ADAMTS13: variants seen among roughly 807,000 people sequenced by gnomAD.
The protein encoded by ADAMTS13 is A disintegrin and metalloproteinase with thrombospondin motifs 13.
ADAMTS13 carries 110 observed loss-of-function variants against 155.1 expected under a neutral mutation model. The ratio of observed to expected loss-of-function variants is 0.71; its 90% CI spans 0.61 to 0.83. The LOEUF (loss-of-function observed/expected upper bound fraction) is 0.83. ADAMTS13 is among the 40% of genes least tolerant of loss of function. ADAMTS13 has a pLI of 0.00. For synonymous variants in ADAMTS13, 758 were observed against 756.4 expected, an observed-to-expected ratio of 1.00 and a Z score of -0.03; for missense variants, 1,707 against 1,891.7, an observed-to-expected ratio of 0.90 and a Z score of 1.81.
In ADAMTS13 at chr9:133,441,555, G is replaced by A. The variant is rs1351669750; in HGVS notation, c.1969-844G>A. Among the ~76,000 whole-genome samples, 1 of 152,218 alleles carries A rather than the reference G, an allele frequency of 6.6e-6. No individual in the cohort carries two copies. The highest frequency in any genetic ancestry group is 1.5e-5 in the Non-Finnish European group (1 of 68,030). ...ACTGGCCAGATGTGGGCATCGAGGG[G>A]GCAGGTGCGGAATGTCACCTCGCCC... On this transcript the variant is annotated intron_variant, in intron 16 of 28. Coordinates refer to ENST00000355699, the MANE Select transcript of ADAMTS13 (RefSeq NM_139027.6). The surrounding 1 kb of genome is among the most constrained non-coding windows in gnomAD (Gnocchi z 5.0).
intron 23 of ADAMTS13, 111 bp downstream of exon 23, chr9:133,450,076 C>T: frequency 3.8e-6 from 5 of 1,332,800 alleles, no homozygotes; most frequent in Middle Eastern, 2.6e-4. Flanking sequence ...ATCAGGAGAA[C>T]CACTTGAGTC....
At chr9:133,419,223 T>A (rs150293584), upstream of ADAMTS13, among the ~76,000 whole-genome samples, 487 of 152,264 alleles carry the variant, frequency 3.2e-3, 3 homozygotes, top group African/African-American at 0.011. Context: ...GATTTTGGTC[T>A]GAGCAATTGG....
intron 22 of ADAMTS13, 43 bp from the exon 23 acceptor site, chr9:133,449,740 G>A (rs1554793773): frequency 2.5e-6 from 4 of 1,610,258 alleles, no homozygotes; most frequent in African/African-American, 2.7e-5. Context: ...TGGGTTCCCA[G>A]GCCCTGGGGC....
At position 133,440,687 on chromosome 9, in the gene ADAMTS13, G is replaced by GTAGC. The variant is rs1841607447; in HGVS notation, c.1968+168_1968+171dup. Among the ~76,000 whole-genome samples, 1 of 152,178 alleles carries GTAGC rather than the reference G, an allele frequency of 6.6e-6. No homozygotes were observed. The highest frequency in any genetic ancestry group is 6.5e-5 in the Admixed American group (1 of 15,276). On this transcript the variant is annotated intron_variant, in intron 16 of 28. Coordinates refer to ENST00000355699, the MANE Select transcript of ADAMTS13 (RefSeq NM_139027.6). This position sits in a 1 kb window ranked among gnomAD's most constrained non-coding sequence, Gnocchi z 4.3. The stretch of plus-strand genomic sequence containing the variant: ...TGTTGGGCCCTGTGCTAGGCAAAAT[G>GTAGC]TAGCTAGCTCCTCCAGGGGCTTAGG...
rs10699153 is a variant in ADAMTS13, at chr9:133,458,555, C to CAAAA, written c.3910-401_3910-398dup. Among the ~76,000 whole-genome samples, 11 of 56,224 alleles carry CAAAA rather than the reference C, an allele frequency of 2.0e-4. No homozygotes were observed. In the East Asian group the frequency reaches 2.1e-3, roughly 11 times the overall value. The allele number at this position is 56,224 out of a possible 152,430, so 36.9% of individuals were successfully genotyped here. A position where few individuals can be genotyped will look rare whatever the true frequency, so the allele number is the denominator to read the frequency against. ...TGGGCAACAGAGTGAGACTCTGTCT[C>CAAAA]AAAAAAAAAAAAAAAAAAAAAGCGA... On this transcript the variant is annotated intron_variant, in intron 28 of 28. Transcript: ENST00000355699.
intron 11 of ADAMTS13, among the ~76,000 whole-genome samples, chr9:133,434,271 G>A (rs140723569): frequency 1.0e-3 from 153 of 152,162 alleles, no homozygotes; most frequent in African/African-American, 3.4e-3. Context: ...TAGGAATACA[G>A]TGCGCTGCTG....
chr9:133,417,538 G>T, upstream of ADAMTS13: 1 of 1,433,978 alleles, frequency 7.0e-7, no homozygotes, highest in South Asian at 1.2e-5. Flanking sequence ...CAGGTCTTTT[G>T]GGGCTACCCA....
At chr9:133,454,748 C>T (rs781924197) in intron 24 of ADAMTS13, 129 bp downstream of exon 24, 14 of 1,223,984 alleles carry the variant, frequency 1.1e-5, no homozygotes, top group African/African-American at 3.0e-5. Context: ...GAGCTGCGCC[C>T]GTTGGTGAGG....
chr9:133,433,793 C>A (rs922911931), intron 11 of ADAMTS13, 89 bp downstream of exon 11: 24 of 1,497,344 alleles, frequency 1.6e-5, no homozygotes, highest in Non-Finnish European at 1.8e-5. Context: ...CACACCAGGA[C>A]ACATTTGAGA....
chr9:133,447,172 T>C (rs782516057), intron 21 of ADAMTS13, among the ~76,000 whole-genome samples: 2 of 152,128 alleles, frequency 1.3e-5, no homozygotes, highest in Non-Finnish European at 2.9e-5. Flanking sequence ...GTGTTTTTTT[T>C]ATAATGGCCA....
chr9:133,423,734 C>A (rs1840099886), intron 2 of ADAMTS13, among the ~76,000 whole-genome samples: 1 of 152,174 alleles, frequency 6.6e-6, no homozygotes, highest in Non-Finnish European at 1.5e-5. Context: ...CACTTTGTGA[C>A]CTGGTTCTTT....
In ADAMTS13 at chr9:133,426,244, C is replaced by A. The variant is rs1554785251; in HGVS notation, c.585C>A (p.Val195=). ...LPDGNRQVRG[V]TQLGGACSPT... ...ATGGTAACCGGCAGGTGCGGGGCGTCACCCAGCTGGGCGGTGCCTGCTCCC... is the reference window on the plus strand; with the variant it reads ...ATGGTAACCGGCAGGTGCGGGGCGTAACCCAGCTGGGCGGTGCCTGCTCCC... Residue 195 remains valine, a synonymous_variant, in exon 6 of 29, where the codon GTC becomes GTA. Transcript: ENST00000355699. The A allele has an allele frequency of 1.6e-5, 26 of 1,613,184 alleles. No homozygotes were observed. The highest frequency in any genetic ancestry group is 1.9e-5 in the Non-Finnish European group (22 of 1,180,008).
chr9:133,430,015 C>A lies in ADAMTS13; in HGVS notation c.901C>A (p.Pro301Thr). 6.3e-7 allele frequency: 1 copy of A among 1,586,234 alleles called. No individual in the cohort carries two copies. Among genetic ancestry groups the A allele is most frequent in the South Asian group, 1.1e-5 (1 of 88,944 alleles). ...CGCGGGGCACCCGCCGGATGCGCAG[C>A]CTGGCCTCTACTACAGCGCCAACGA... Reference protein sequence around the residue: ...GSAGHPPDAQPGLYYSANEQC... With the variant: ...GSAGHPPDAQTGLYYSANEQC... The change falls in exon 8 of 29, where the codon CCT becomes ACT. Residue 301 changes from proline to threonine, a missense_variant. Physicochemically the swap from Pro to Thr is conservative, Grantham distance 38. Around this residue, in one of 3 missense-constraint regions of ADAMTS13, gnomAD observed 733 missense variants for 749.6 expected, o/e 0.98. Coordinates refer to ENST00000355699, the MANE Select transcript of ADAMTS13 (RefSeq NM_139027.6).
Position 133,436,857 on chromosome 9 carries a change from T to C in ADAMTS13, c.1337T>C (p.Met446Thr), listed in dbSNP as rs1554789156. The change falls in exon 12 of 29, where the codon ATG becomes ACG. Residue 446 changes from methionine (M) to threonine (T), a missense_variant. By Grantham distance (81) the Met-to-Thr change is moderately conservative. This residue lies in a region of ADAMTS13 where 733 missense variants were observed against 749.6 expected (regional missense o/e 0.98). Coordinates refer to ENST00000355699, the MANE Select transcript of ADAMTS13 (RefSeq NM_139027.6). ...TGCGAGAAGACCCAGCTGGAGTTCA[T>C]GTCGCAACAGTGCGCCAGGACCGAC... The part of the protein sequence containing the change: ...QACEKTQLEF[M>T]SQQCARTDGQ... 8.3e-6 allele frequency: 13 copies of C among 1,568,900 alleles called. No homozygotes were observed. The highest frequency in any genetic ancestry group is 1.1e-5 in the Non-Finnish European group (13 of 1,158,678).
At position 133,426,349 on chromosome 9, in the gene ADAMTS13, T is replaced by G. The variant is rs36219245; in HGVS notation, c.686+4T>G. The G allele has an allele frequency of 0.075, 119,561 of 1,599,886 alleles. 5,192 individuals are homozygous for G. Among genetic ancestry groups the G allele is most frequent in the Non-Finnish European group, 0.089 (104,816 of 1,179,884 alleles). Reference sequence around the variant, plus strand: ...TTGCCCATGAGATTGGGCACAGGTATGTAGCCCCACCAGCTGTCCCCAGGA... The same window carrying G: ...TTGCCCATGAGATTGGGCACAGGTAGGTAGCCCCACCAGCTGTCCCCAGGA... On this transcript the variant is annotated splice_donor_region_variant and intron_variant, in intron 6 of 28. Transcript: ENST00000355699.
Position 133,445,133 on chromosome 9 carries a change from C to T in ADAMTS13, c.2610+81C>T, listed in dbSNP as rs587637126. The T allele has an allele frequency of 2.6e-5, 38 of 1,467,500 alleles. No individual in the cohort carries two copies. Among genetic ancestry groups the T allele is most frequent in the Admixed American group, 2.5e-4 (13 of 51,782 alleles). The allele number at this position is 1,467,500 out of a possible 1,614,324, so 90.9% of individuals were successfully genotyped here. ...GAGAACGAGGAGCACCCATTGCCAC[C>T]GTCCTCCAGGCCAGAGCAAGAACAC... On this transcript the variant is annotated intron_variant, in intron 20 of 28. Transcript: ENST00000355699. This position sits in a 1 kb window ranked among gnomAD's most constrained non-coding sequence, Gnocchi z 5.0.
At chr9:133,437,689 G>C in intron 12 of ADAMTS13, 60 bp from the exon 13 acceptor site, 1 of 1,606,854 alleles carries the variant, frequency 6.2e-7, no homozygotes, top group Non-Finnish European at 8.5e-7. Context: ...CTGGGTGGGG[G>C]CTGGGGGACT....
At position 133,423,102 on chromosome 9, in the gene ADAMTS13, G is replaced by A. The variant is rs1554784005; in HGVS notation, c.107G>A (p.Ser36Asn). The A allele has an allele frequency of 3.1e-6, 5 of 1,613,628 alleles. No individual in the cohort carries two copies. Among genetic ancestry groups the A allele is most frequent in the Non-Finnish European group, 4.2e-6 (5 of 1,179,934 alleles). ...CATCCATCTCTTTTTGTCTTGCAGA[G>A]TTGTCTTCAGGCTTTGGAGCCACAG... Reference protein sequence around the residue: ...GCWGPSHFQQSCLQALEPQAV... With the variant: ...GCWGPSHFQQNCLQALEPQAV... Residue 36 changes from serine (S) to asparagine (N), a missense_variant and splice_region_variant, in exon 2 of 29, where the codon AGT (serine) becomes AAT (asparagine). Physicochemically the swap from Ser to Asn is conservative, Grantham distance 46. This residue lies in a region of ADAMTS13 where 733 missense variants were observed against 749.6 expected (regional missense o/e 0.98). Coordinates refer to ENST00000355699, the MANE Select transcript of ADAMTS13 (RefSeq NM_139027.6).
rs782302107 is a variant in ADAMTS13 at position 133,424,375 on chromosome 9, C to T, written c.227C>T (p.Ala76Val). The T allele has an allele frequency of 1.9e-6, 3 of 1,613,432 alleles. No homozygotes were observed. The highest frequency in any genetic ancestry group is 1.3e-5 in the African/African-American group (1 of 75,038). Reference sequence around the variant, plus strand: ...CAGAGGCAGAGGCAGAGGCGGGCTGCAGGCGGCATCCTACACCTGGAGCTG... The same window carrying T: ...CAGAGGCAGAGGCAGAGGCGGGCTGTAGGCGGCATCCTACACCTGGAGCTG... ...QRQRQRQRRA[A>V]GGILHLELLV... The change falls in exon 3 of 29, where the codon GCA becomes GTA. Residue 76 changes from alanine (A) to valine (V), a missense_variant. This residue lies in a region of ADAMTS13 where 733 missense variants were observed against 749.6 expected (regional missense o/e 0.98). Coordinates refer to ENST00000355699, the MANE Select transcript of ADAMTS13 (RefSeq NM_139027.6). This position sits in a 1 kb window ranked among gnomAD's most constrained non-coding sequence, Gnocchi z 4.3.
Sources: gnomAD v4.1 joint callset for allele counts (sites outside exome capture counted in the v4.1 genomes callset) on GRCh38, gnomAD v4.1.1 for gene constraint, gnomAD v4.1.1 regional missense constraint, Gnocchi (gnomAD v3.1) non-coding constraint, MANE v1.5 for transcripts, NCBI Gene and HGNC (gene_info 2026-07-23, HGNC 2026-07-21) for gene names.